The following PTPRK variants were observed in gnomAD, a reference collection of about 807,000 sequenced individuals.
PTPRK encodes protein tyrosine phosphatase receptor type K.
In PTPRK, 75 loss-of-function variants were observed where a neutral mutation model predicts 178.0. That is an observed-to-expected ratio of 0.42 (90% confidence interval 0.35 to 0.51). The LOEUF (loss-of-function observed/expected upper bound fraction) is 0.51, where lower values mean the gene tolerates loss of function less well. PTPRK is among the 20% of genes least tolerant of loss of function. The pLI is 0.02. For missense variants in PTPRK, 1,441 were observed against 1,797.8 expected, an observed-to-expected ratio of 0.80 and a Z score of 3.59; for synonymous variants, 637 against 620.6, an observed-to-expected ratio of 1.03 and a Z score of -0.39.
intron 13 of PTPRK, among the ~76,000 whole-genome samples, chr6:128,033,214 C>T (rs1203439840): frequency 2.6e-5 from 4 of 152,054 alleles, no homozygotes; most frequent in Non-Finnish European, 5.9e-5. Context: ...GCACTTGGGG[C>T]CTGGCACAAA....
intron 2 of PTPRK, among the ~76,000 whole-genome samples, chr6:128,335,892 T>C (rs1830857884): frequency 6.6e-6 from 1 of 152,118 alleles, no homozygotes; most frequent in Non-Finnish European, 1.5e-5. Context: ...AAGTATAATA[T>C]TAAATCATAT....
intron 13 of PTPRK, among the ~76,000 whole-genome samples, chr6:128,012,744 C>T (rs1779187153): frequency 6.6e-6 from 1 of 151,310 alleles, no homozygotes; most frequent in African/African-American, 2.4e-5. Context: ...ACAAATTTAC[C>T]TAAAAAATTA....
chr6:128,382,101 A>G (rs945950181), intron 2 of PTPRK, among the ~76,000 whole-genome samples: 4 of 145,194 alleles, frequency 2.8e-5, no homozygotes, highest in Admixed American at 7.2e-5. Flanking sequence ...GAGGACTGCC[A>G]TGACTGTGAC....
chr6:128,082,325 A>C (rs1784969901), intron 10 of PTPRK, 112 bp downstream of exon 10: 1 of 979,900 alleles, frequency 1.0e-6, no homozygotes, highest in East Asian at 2.4e-5. Context: ...AACTATATTA[A>C]AGGTTCAACA....
At chr6:128,080,570 ATTAAT>A (rs1784640288) in intron 10 of PTPRK, among the ~76,000 whole-genome samples, 1 of 152,060 alleles carries the variant, frequency 6.6e-6, no homozygotes, top group Admixed American at 6.6e-5. Flanking sequence ...AACAACAAAT[ATTAAT>A]TTAATACATG....
In PTPRK at chr6:128,273,207, C is replaced by T. The variant is rs115463149; in HGVS notation, c.496-30605G>A. Among the ~76,000 whole-genome samples, 1,347 of 151,506 alleles carry T rather than the reference C, an allele frequency of 8.9e-3. 13 individuals carry two copies. Among genetic ancestry groups the T allele is most frequent in the African/African-American group, 0.031 (1,275 of 41,250 alleles). ...CAGCACACACTGGGGCCTGTCCTGT[C>T]GCGGGGTCGGGGGAGTGGGGAGGGA... On this transcript the variant is annotated intron_variant, in intron 3 of 29. Coordinates refer to ENST00000368226, the MANE Select transcript of PTPRK (RefSeq NM_002844.4).
intron 1 of PTPRK, among the ~76,000 whole-genome samples, chr6:128,443,851 T>C (rs751748058): frequency 2.0e-5 from 3 of 151,452 alleles, no homozygotes; most frequent in Non-Finnish European, 2.9e-5. Flanking sequence ...CTAGACCAGA[T>C]TTTTTTTTCT....
intron 2 of PTPRK, among the ~76,000 whole-genome samples, chr6:128,370,971 T>C (rs1020543614): frequency 6.6e-6 from 1 of 152,178 alleles, no homozygotes; most frequent in African/African-American, 2.4e-5. Flanking sequence ...TGTTTCACTA[T>C]ACTTGAATTC....
At chr6:128,345,129 A>T (rs375802402) in intron 2 of PTPRK, among the ~76,000 whole-genome samples, 1 of 151,670 alleles carries the variant, frequency 6.6e-6, no homozygotes, top group East Asian at 1.9e-4. Flanking sequence ...CTTTCTAAGC[A>T]AGTTTTTCCA....
chr6:128,310,188 C>T lies in PTPRK; in HGVS notation c.495+11851G>A, dbSNP rs530231799. ...TCTTTCTCTCTGATTTCTGGTCACT[C>T]CATAAGATAGCTGATAGATATACAT... On this transcript the variant is annotated intron_variant, in intron 3 of 29. Transcript: ENST00000368226. Among the ~76,000 whole-genome samples the T allele has an allele frequency of 1.3e-4, 20 of 152,206 alleles. 1 individual carries two copies. In the South Asian group the frequency reaches 3.7e-3, roughly 28 times the overall value.
intron 3 of PTPRK, among the ~76,000 whole-genome samples, chr6:128,243,509 A>AGAAAAG (rs58288527): frequency 0.011 from 1,561 of 137,146 alleles, 34 homozygotes; most frequent in African/African-American, 0.045. Context: ...AAAAAAAAAA[A>AGAAAAG]AAAAGAAAAG....
intron 1 of PTPRK, among the ~76,000 whole-genome samples, chr6:128,442,221 C>G (rs1321107850): frequency 6.6e-6 from 1 of 152,082 alleles, no homozygotes; most frequent in Admixed American, 6.6e-5. Flanking sequence ...CCCTGAATTC[C>G]CTGCACGCTG....
At chr6:128,225,140 A>T (rs975243515) in intron 5 of PTPRK, among the ~76,000 whole-genome samples, 5 of 152,216 alleles carry the variant, frequency 3.3e-5, no homozygotes, top group Non-Finnish European at 5.9e-5. Context: ...CTGCACTGAC[A>T]ATACATGTCG....
At chr6:128,380,133 A>T (rs1173154880) in intron 2 of PTPRK, among the ~76,000 whole-genome samples, 1 of 152,152 alleles carries the variant, frequency 6.6e-6, no homozygotes, top group Non-Finnish European at 1.5e-5. Context: ...AAAGGGACAT[A>T]AAAAAGATGT....
At chr6:128,144,279 T>C (rs2114524354) in intron 7 of PTPRK, among the ~76,000 whole-genome samples, 1 of 152,244 alleles carries the variant, frequency 6.6e-6, no homozygotes, top group East Asian at 1.9e-4. Flanking sequence ...AATAATGAAA[T>C]AAAAAAGACA....
At chr6:128,441,319 C>T (rs1275565416) in intron 1 of PTPRK, among the ~76,000 whole-genome samples, 3 of 151,938 alleles carry the variant, frequency 2.0e-5, no homozygotes, top group African/African-American at 7.3e-5. Flanking sequence ...GTAAACGGTG[C>T]TATTTGAAAA....
At chr6:128,275,688 T>A (rs141918350) in intron 3 of PTPRK, among the ~76,000 whole-genome samples, 1,703 of 152,150 alleles carry the variant, frequency 0.011, 22 homozygotes, top group Middle Eastern at 0.024. Context: ...TAAATATGGT[T>A]CCATTGAGTA....
chr6:127,984,989 T>A lies in PTPRK; in HGVS notation c.3251+732A>T, dbSNP rs369652748. On this transcript the variant is annotated intron_variant, in intron 22 of 29. Coordinates refer to ENST00000368226, the MANE Select transcript of PTPRK (RefSeq NM_002844.4). Reference sequence around the variant, plus strand: ...GGTTGGATTTTCAGAAAGCAAAAAATGCTTAGGTACAACCTATTATGTAGC... The same window carrying A: ...GGTTGGATTTTCAGAAAGCAAAAAAAGCTTAGGTACAACCTATTATGTAGC... Among the ~76,000 whole-genome samples the A allele has an allele frequency of 1.1e-4, 16 of 152,308 alleles. No homozygotes were observed. In the East Asian group the frequency reaches 2.1e-3, roughly 20 times the overall value.
At chr6:128,385,771 A>G (rs1227283197) in intron 2 of PTPRK, among the ~76,000 whole-genome samples, 4 of 152,188 alleles carry the variant, frequency 2.6e-5, no homozygotes, top group African/African-American at 7.2e-5. Context: ...CTCAATAGAA[A>G]GTCAAAGATC....
Sources: allele counts gnomAD v4.1 joint callset (sites outside exome capture counted in the v4.1 genomes callset), GRCh38; gene constraint gnomAD v4.1.1; transcripts MANE v1.5; gene names NCBI Gene and HGNC (gene_info 2026-07-23, HGNC 2026-07-21).